The following E2F2 variants were observed in gnomAD, a reference collection of about 807,000 sequenced individuals.
E2F2 encodes the protein E2F transcription factor 2, also known as transcription factor E2F2.
Under a neutral mutation model 42.2 loss-of-function variants are expected in E2F2, and 22 were observed. The ratio of observed to expected loss-of-function variants is 0.52; its 90% CI spans 0.37 to 0.74. The LOEUF is 0.74. Ranked by LOEUF, E2F2 falls within the 30% of genes least tolerant of loss-of-function variation. E2F2 has a pLI of 0.00. For synonymous variants in E2F2, 248 were observed against 251.6 expected, an observed-to-expected ratio of 0.99 and a Z score of 0.13; for missense variants, 481 against 557.8, an observed-to-expected ratio of 0.86 and a Z score of 1.39.
intron 6 of E2F2, among the ~76,000 whole-genome samples, chr1:23,513,204 C>T (rs1263760697): frequency 6.6e-6 from 1 of 151,648 alleles, no homozygotes; most frequent in African/African-American, 2.4e-5. Context: ...TCAAGTGTCC[C>T]CATTTGAGAG....
intron 4 of E2F2, 149 bp from the exon 5 acceptor site, chr1:23,519,279 G>A (rs1442424520): frequency 4.0e-6 from 2 of 504,360 alleles, no homozygotes; most frequent in Non-Finnish European, 7.2e-6. Context: ...TCTGTAACCT[G>A]TTAATCTCAT....
At chr1:23,514,753 A>C (rs1285643658) in intron 6 of E2F2, among the ~76,000 whole-genome samples, 3 of 147,184 alleles carry the variant, frequency 2.0e-5, no homozygotes, top group African/African-American at 7.5e-5. Flanking sequence ...AGGAGAATTG[A>C]TTGAACCCAG....
intron 5 of E2F2, among the ~76,000 whole-genome samples, chr1:23,518,203 CAT>C (rs1230678230): frequency 2.0e-5 from 3 of 151,356 alleles, no homozygotes; most frequent in Non-Finnish European, 4.4e-5. Flanking sequence ...TGTGGTGGCT[CAT>C]GCCTGTAATC....
Position 23,509,781 on chromosome 1 carries a change from G to T in E2F2, c.*99C>A, listed in dbSNP as rs771724886. ...GAGGAGACCCCATGCCCTGAGGGCA[G>T]CACCTAGTGTCCAATGTCCCTGTGC... On this transcript the variant is annotated 3_prime_UTR_variant, in exon 7 of 7. Coordinates refer to ENST00000361729, the MANE Select transcript of E2F2 (RefSeq NM_004091.4). The T allele has an allele frequency of 2.7e-5, 39 of 1,444,302 alleles. No homozygotes were observed. The highest frequency in any genetic ancestry group is 3.4e-5 in the Non-Finnish European group (37 of 1,095,720). 89.5% of individuals were successfully genotyped at this position (1,444,302 alleles called of 1,614,324 possible). A position where few individuals can be genotyped will look rare whatever the true frequency, so the allele number is the denominator to read the frequency against.
At position 23,530,650 on chromosome 1, in the gene E2F2, C is replaced by G; in HGVS notation, c.144G>C (p.Leu48=). The G allele has an allele frequency of 6.2e-7, 1 of 1,613,384 alleles. No individual in the cohort carries two copies. Among genetic ancestry groups the G allele is most frequent in the Non-Finnish European group, 8.5e-7 (1 of 1,179,774 alleles). ...CPATATYYTP[L]YPQTAPPAAA... is the part of the protein sequence containing the mutation. ...CTGCGGGAGGCGCCGTCTGCGGGTA[C>G]AGCGGTGTGTAGTAGGTAGCAGTAG... The change falls in exon 1 of 7, where the codon CTG becomes CTC. Residue 48 remains leucine (L), a synonymous_variant. Coordinates refer to ENST00000361729, the MANE Select transcript of E2F2 (RefSeq NM_004091.4). The surrounding 1 kb of genome is among the most constrained non-coding windows in gnomAD (Gnocchi z 4.4).
chr1:23,524,796 C>T (rs535166437), intron 1 of E2F2, among the ~76,000 whole-genome samples: 21 of 152,332 alleles, frequency 1.4e-4, no homozygotes, highest in African/African-American at 4.6e-4. Context: ...GGCCCTAAGC[C>T]GGCTCCTATA....
chr1:23,521,977 G>T lies in E2F2; in HGVS notation c.438C>A (p.Ser146Arg). 6.2e-7 allele frequency: 1 copy of T among 1,614,168 alleles called. No individual in the cohort carries two copies. Among genetic ancestry groups the T allele is most frequent in the Non-Finnish European group, 8.5e-7 (1 of 1,180,022 alleles). ...LLTKKFIYLL[S>R]ESEDGVLDLN... ...GGTCCAGGACCCCATCCTCTGACTC[G>T]CTCAGGAGGTAAATGAACTTCTTGG... Residue 146 changes from serine (S) to arginine (R), a missense_variant, in exon 3 of 7, where the codon AGC becomes AGA. Transcript: ENST00000361729.
rs1246509474 is a variant in E2F2 at position 23,530,737 on chromosome 1, C to T, written c.57G>A (p.Val19=). 2 of 1,597,562 alleles carry T rather than the reference C, an allele frequency of 1.3e-6. No individual in the cohort carries two copies. Among genetic ancestry groups the T allele is most frequent in the Admixed American group, 3.5e-5 (2 of 57,162 alleles). ...ASAAGQTPKV[V]PAMSPTELWP... The stretch of plus-strand genomic sequence containing the variant: ...ACAGCTCTGTGGGGCTCATCGCGGG[C>T]ACCACCTTCGGGGTCTGCCCAGCGG... The change falls in exon 1 of 7, where the codon GTG becomes GTA. Residue 19 remains valine (V), a synonymous_variant. Transcript: ENST00000361729. This position sits in a 1 kb window ranked among gnomAD's most constrained non-coding sequence, Gnocchi z 4.4.
chr1:23,526,505 A>C (rs1216097321), intron 1 of E2F2, among the ~76,000 whole-genome samples: 1 of 152,034 alleles, frequency 6.6e-6, no homozygotes, highest in Non-Finnish European at 1.5e-5. Flanking sequence ...GGCAGCCCAG[A>C]GCCTCCCCAG....
chr1:23,506,203 G>C (rs1642792595), downstream of E2F2, among the ~76,000 whole-genome samples: 1 of 152,150 alleles, frequency 6.6e-6, no homozygotes, highest in Non-Finnish European at 1.5e-5. Flanking sequence ...AATAGATGGG[G>C]GAGACAGAGT....
intron 1 of E2F2, among the ~76,000 whole-genome samples, chr1:23,527,441 GA>G (rs1159782900): frequency 1.3e-5 from 2 of 152,212 alleles, no homozygotes; most frequent in Non-Finnish European, 2.9e-5. Flanking sequence ...GCCTGGTCAG[GA>G]CGCAAGCCCA....
intron 4 of E2F2, among the ~76,000 whole-genome samples, chr1:23,520,271 AAAAAAAG>A (rs1447428266): frequency 1.8e-4 from 24 of 133,778 alleles, no homozygotes; most frequent in Non-Finnish European, 2.6e-4. Flanking sequence ...AAAAAAAAAA[AAAAAAAG>A]CTATGTTCAG....
rs1352089691 is a variant in E2F2 at position 23,509,830 on chromosome 1, C to T, written c.*50G>A. On this transcript the variant is annotated 3_prime_UTR_variant, in exon 7 of 7. Transcript: ENST00000361729. Reference sequence around the variant, plus strand: ...GCAGGCAGAGGGGCTGTCAGCCTGTCTGTGAGGAGGTAGAGTCGGGGGCAG... The same window carrying T: ...GCAGGCAGAGGGGCTGTCAGCCTGTTTGTGAGGAGGTAGAGTCGGGGGCAG... The T allele has an allele frequency of 9.3e-6, 14 of 1,506,044 alleles. 1 individual carries two copies. The highest frequency in any genetic ancestry group is 8.1e-5 in the South Asian group (6 of 74,004). 93.3% of individuals were successfully genotyped at this position (1,506,044 alleles called of 1,614,324 possible).
rs1304329944 is a variant in E2F2 at position 23,530,320 on chromosome 1, A to C, written c.252+222T>G. On this transcript the variant is annotated intron_variant, in intron 1 of 6. Transcript: ENST00000361729. The surrounding 1 kb of genome is among the most constrained non-coding windows in gnomAD (Gnocchi z 4.4). ...CCTCCAGACTCGCAATCCAGTGCTC[A>C]TTCCACTCCACTAGAATGGATGAGA... is the stretch of plus-strand genomic sequence containing the variant. 6.6e-6 allele frequency among the ~76,000 whole-genome samples: 1 copy of C among 152,244 alleles called. No homozygotes were observed. Among genetic ancestry groups the C allele is most frequent in the African/African-American group, 2.4e-5 (1 of 41,466 alleles).
chr1:23,530,832 G>A lies in E2F2; in HGVS notation c.-39C>T. 6.9e-7 allele frequency: 1 copy of A among 1,440,378 alleles called. No homozygotes were observed. The highest frequency in any genetic ancestry group is 9.1e-7 in the Non-Finnish European group (1 of 1,095,808). The allele number at this position is 1,440,378 out of a possible 1,614,324, so 89.2% of individuals were successfully genotyped here. ...CCCCCTACCCAAAAGGGCTTGGCGC[G>A]CCCGCGGACACCTGCGGGTTCCGGT... On this transcript the variant is annotated 5_prime_UTR_variant, in exon 1 of 7. Transcript: ENST00000361729. The surrounding 1 kb of genome is among the most constrained non-coding windows in gnomAD (Gnocchi z 4.4).
chr1:23,507,655 C>T lies in E2F2; in HGVS notation c.*2225G>A, dbSNP rs537223706. 20 of 152,498 alleles carry T rather than the reference C, an allele frequency of 1.3e-4. No homozygotes were observed. The highest frequency in any genetic ancestry group is 4.6e-4 in the African/African-American group (19 of 41,588). The allele number at this position is 152,498 out of a possible 1,614,324, so 9.4% of individuals were successfully genotyped here. On this transcript the variant is annotated 3_prime_UTR_variant, in exon 7 of 7. Transcript: ENST00000361729. ...CTTGTGTCCTGCACTGAATCTGAGG[C>T]TTAGCCTGGGAGGTCTAGCCCCTTG...
At chr1:23,529,199 G>A (rs1558259192) in intron 1 of E2F2, among the ~76,000 whole-genome samples, 1 of 152,096 alleles carries the variant, frequency 6.6e-6, no homozygotes, top group Admixed American at 6.5e-5. Flanking sequence ...TCTATTTCAC[G>A]AACTACAAAG....
chr1:23,530,086 AG>A lies in E2F2; in HGVS notation c.252+455del, dbSNP rs1570476548. ...GGACAATTTGGAGTCTGTCCATGGC[AG>A]ATTGGATGTGAGAGACCCACTAGAC... On this transcript the variant is annotated intron_variant, in intron 1 of 6. Coordinates refer to ENST00000361729, the MANE Select transcript of E2F2 (RefSeq NM_004091.4). This position sits in a 1 kb window ranked among gnomAD's most constrained non-coding sequence, Gnocchi z 4.4. 3.3e-5 allele frequency among the ~76,000 whole-genome samples: 5 copies of A among 152,350 alleles called. No individual in the cohort carries two copies. In the East Asian group the frequency reaches 9.6e-4, roughly 29 times the overall value.
chr1:23,510,761 TAG>T (rs1642894012), intron 6 of E2F2, among the ~76,000 whole-genome samples: 1 of 151,614 alleles, frequency 6.6e-6, no homozygotes, highest in African/African-American at 2.4e-5. Context: ...GGACAGAGAG[TAG>T]AAGGGTGGTT....
Sources: allele counts gnomAD v4.1 joint callset (sites outside exome capture counted in the v4.1 genomes callset), GRCh38; gene constraint gnomAD v4.1.1; non-coding constraint Gnocchi (gnomAD v3.1); transcripts MANE v1.5; gene names NCBI Gene and HGNC (gene_info 2026-07-23, HGNC 2026-07-21).